UNC5B: variants seen among roughly 807,000 people sequenced by gnomAD.
UNC5B encodes unc-5 netrin receptor B, also known as netrin receptor UNC5B.
In UNC5B, 56 loss-of-function variants were observed where a neutral mutation model predicts 103.7. That is an observed-to-expected ratio of 0.54 (90% CI 0.44 to 0.67). The LOEUF (loss-of-function observed/expected upper bound fraction) is 0.67. Among genes scored for constraint, UNC5B ranks in the 30% least tolerant of loss-of-function variants. The pLI is 0.00. For missense variants in UNC5B, 1,194 were observed against 1,284.5 expected (o/e 0.93, Z 1.08); for synonymous variants, 577 against 542.0 (o/e 1.06, Z -0.90).
chr10:71,265,576 G>A (rs377482996), intron 1 of UNC5B, among the ~76,000 whole-genome samples: 97 of 152,352 alleles, frequency 6.4e-4, no homozygotes, highest in African/African-American at 2.2e-3. Context: ...GGCTCATGGG[G>A]GCTTCAGCTG....
chr10:71,288,491 TTGCTC>T (rs1364543473), intron 6 of UNC5B, 72 bp from the exon 7 acceptor site: 3 of 1,532,622 alleles, frequency 2.0e-6, no homozygotes, highest in Non-Finnish European at 2.6e-6. Context: ...TGTTGGCACA[TTGCTC>T]TGTTCTGCAC....
chr10:71,295,860 C>A lies in UNC5B; in HGVS notation c.2225C>A (p.Pro742Gln). The change falls in exon 14 of 17, where the codon CCG (proline) becomes CAG (glutamine). Residue 742 changes from proline (P) to glutamine (Q), a missense_variant. Transcript: ENST00000335350. The part of the protein sequence containing the change: ...RTLGGYLVEE[P>Q]KPLMFKDSYH... The stretch of plus-strand genomic sequence containing the variant: ...CTGGGCGGATACTTGGTGGAGGAGC[C>A]GAAACCGCTAATGTTCAAGGACAGT... 1 of 1,613,096 alleles carries A rather than the reference C, an allele frequency of 6.2e-7. No individual in the cohort carries two copies. Among genetic ancestry groups the A allele is most frequent in the Non-Finnish European group, 8.5e-7 (1 of 1,179,996 alleles).
intron 1 of UNC5B, among the ~76,000 whole-genome samples, chr10:71,247,395 A>G (rs1564715029): frequency 6.6e-6 from 1 of 152,200 alleles, no homozygotes; most frequent in Non-Finnish European, 1.5e-5. Flanking sequence ...CCATCTACCC[A>G]GCCTTGCAGC....
At chr10:71,290,776 G>A (rs2132309856) in intron 8 of UNC5B, 139 bp from the exon 9 acceptor site, 1 of 1,068,180 alleles carries the variant, frequency 9.4e-7, no homozygotes, top group Middle Eastern at 3.3e-4. Flanking sequence ...TTGCCAGCCT[G>A]TGTAGGCAGG....
chr10:71,279,830 C>G lies in UNC5B; in HGVS notation c.89C>G (p.Ser30Cys). The change falls in exon 2 of 17, where the codon TCT becomes TGT. Residue 30 changes from serine (S) to cysteine (C), a missense_variant. Coordinates refer to ENST00000335350, the MANE Select transcript of UNC5B (RefSeq NM_170744.5). ...DPRLSQAGTD[S>C]GSEVLPDSFP... ...TCCACTCACTCTGCAGGCACTGATT[C>G]TGGCAGCGAGGTGCTCCCTGACTCC... The G allele has an allele frequency of 6.2e-7, 1 of 1,613,168 alleles. No homozygotes were observed. The highest frequency in any genetic ancestry group is 8.5e-7 in the Non-Finnish European group (1 of 1,179,732).
At chr10:71,237,072 G>T (rs1337255563) in intron 1 of UNC5B, among the ~76,000 whole-genome samples, 1 of 152,198 alleles carries the variant, frequency 6.6e-6, no homozygotes, top group Non-Finnish European at 1.5e-5. Flanking sequence ...GGAAGCACAG[G>T]TGGTGGGCAA....
At chr10:71,277,291 G>A (rs1348138043) in intron 1 of UNC5B, among the ~76,000 whole-genome samples, 1 of 152,236 alleles carries the variant, frequency 6.6e-6, no homozygotes, top group African/African-American at 2.4e-5. Context: ...GCCATGACCT[G>A]CCCCCAGAGG....
chr10:71,284,954 C>T (rs1295797065), intron 3 of UNC5B, 91 bp downstream of exon 3: 19 of 1,497,686 alleles, frequency 1.3e-5, no homozygotes, highest in Non-Finnish European at 1.4e-5. Context: ...GTGGGGCCTC[C>T]TCCAGCATCC....
rs1386282654 is a variant in UNC5B at position 71,295,979 on chromosome 10, G to T, written c.2325+19G>T. 5.0e-6 allele frequency: 8 copies of T among 1,612,322 alleles called. No individual in the cohort carries two copies. Among genetic ancestry groups the T allele is most frequent in the Non-Finnish European group, 6.8e-6 (8 of 1,179,972 alleles). On this transcript the variant is annotated intron_variant, in intron 14 of 16. Coordinates refer to ENST00000335350, the MANE Select transcript of UNC5B (RefSeq NM_170744.5). ...ATACCAGGTGAGGGCTGGGCTGATGGATGGGGAGGGGCACCACTTAAGGGC... is the reference window on the plus strand; with the variant it reads ...ATACCAGGTGAGGGCTGGGCTGATGTATGGGGAGGGGCACCACTTAAGGGC...
intron 1 of UNC5B, among the ~76,000 whole-genome samples, chr10:71,274,847 A>T (rs2394790): frequency 0.054 from 8,203 of 152,260 alleles, 719 homozygotes; most frequent in African/African-American, 0.19. Context: ...ATGGCAAGGA[A>T]AGTGACCCTA....
chr10:71,288,534 C>A (rs375516947), intron 6 of UNC5B, 34 bp from the exon 7 acceptor site: 12 of 1,597,660 alleles, frequency 7.5e-6, no homozygotes, highest in African/African-American at 1.3e-5. Flanking sequence ...CATGTCTCTG[C>A]GTGCACATGC....
At chr10:71,284,601 G>A in intron 2 of UNC5B, 119 bp from the exon 3 acceptor site, 2 of 1,439,698 alleles carry the variant, frequency 1.4e-6, no homozygotes, top group Non-Finnish European at 1.9e-6. Context: ...AAGAGGAATG[G>A]AGGGAAAGGC....
At position 71,301,797 on chromosome 10, in the gene UNC5B, G is replaced by T. The variant is rs368457105; in HGVS notation, c.*2520G>T. On this transcript the variant is annotated 3_prime_UTR_variant, in exon 17 of 17. Transcript: ENST00000335350. ...GTCCTTTTCATACCTAGAAGTCTGCGGTCTGAGGCTCTTTGGGTTCAGACA... is the reference window on the plus strand; with the variant it reads ...GTCCTTTTCATACCTAGAAGTCTGCTGTCTGAGGCTCTTTGGGTTCAGACA... The T allele has an allele frequency of 3.9e-5, 6 of 152,202 alleles. No homozygotes were observed. Among genetic ancestry groups the T allele is most frequent in the Non-Finnish European group, 7.3e-5 (5 of 68,054 alleles). The allele number at this position is 152,202 out of a possible 1,614,324, so 9.4% of individuals were successfully genotyped here.
intron 1 of UNC5B, among the ~76,000 whole-genome samples, chr10:71,259,398 A>G (rs1018204183): frequency 1.3e-5 from 2 of 152,074 alleles, no homozygotes; most frequent in African/African-American, 4.8e-5. Flanking sequence ...AAAAAAAAAA[A>G]AAAGGAAAAG....
intron 1 of UNC5B, among the ~76,000 whole-genome samples, chr10:71,225,620 G>A (rs1003332823): frequency 5.3e-5 from 8 of 152,310 alleles, no homozygotes; most frequent in South Asian, 4.1e-4. Flanking sequence ...TCCCTCGGCC[G>A]GCTGCCCATT....
At chr10:71,294,198 T>TG (rs1402162491) in intron 13 of UNC5B, among the ~76,000 whole-genome samples, 3 of 152,130 alleles carry the variant, frequency 2.0e-5, no homozygotes, top group Non-Finnish European at 4.4e-5. Flanking sequence ...AGCATCAGAC[T>TG]GGGAGGGGCT....
chr10:71,232,462 G>GGCCCCA (rs1291866616), intron 1 of UNC5B, among the ~76,000 whole-genome samples: 20 of 152,226 alleles, frequency 1.3e-4, no homozygotes, highest in Non-Finnish European at 2.5e-4. Context: ...GCCCAGCCCC[G>GGCCCCA]GCCCCAGCCC....
At chr10:71,220,637 GTAA>G (rs1057346343) in intron 1 of UNC5B, among the ~76,000 whole-genome samples, 4 of 152,198 alleles carry the variant, frequency 2.6e-5, no homozygotes, top group African/African-American at 9.6e-5. Context: ...TAAAATGGGG[GTAA>G]TAATAACATC....
In UNC5B at chr10:71,290,911, G is replaced by A. The variant is rs201765359; in HGVS notation, c.1100-4G>A. 4.6e-5 allele frequency: 74 copies of A among 1,609,402 alleles called. No individual in the cohort carries two copies. Among genetic ancestry groups the A allele is most frequent in the African/African-American group, 6.7e-5 (5 of 75,010 alleles). ...CCCCTTATGTGGTCCTCCTGTCCCC[G>A]CAGTGCTGGAGGCCTCAGGGGATGC... On this transcript the variant is annotated splice_region_variant and splice_polypyrimidine_tract_variant and intron_variant, in intron 8 of 16. Coordinates refer to ENST00000335350, the MANE Select transcript of UNC5B (RefSeq NM_170744.5).
Sources: allele counts gnomAD v4.1 joint callset (sites outside exome capture counted in the v4.1 genomes callset), GRCh38; gene constraint gnomAD v4.1.1; transcripts MANE v1.5; gene names NCBI Gene and HGNC (gene_info 2026-07-23, HGNC 2026-07-21).